The following EPHA3 variants were observed in gnomAD, a reference collection of about 807,000 sequenced individuals.
EPHA3 encodes ephrin type-A receptor 3.
Under a neutral mutation model 107.1 loss-of-function variants are expected in EPHA3, and 42 were observed. The observed-to-expected ratio is 0.39, with a 90% CI of 0.31 to 0.51. The LOEUF is 0.51. EPHA3 is among the 20% of genes least tolerant of loss of function. The probability of loss-of-function intolerance (pLI) is 0.78; values close to 1 mark genes in which losing one functional copy is unlikely to be tolerated. For missense variants in EPHA3, 1,183 were observed against 1,211.2 expected (o/e 0.98, Z 0.35); for synonymous variants, 461 against 424.8 (o/e 1.09, Z -1.05).
chr3:89,130,687 C>T (rs1409865640), intron 2 of EPHA3, among the ~76,000 whole-genome samples: 45 of 149,144 alleles, frequency 3.0e-4, no homozygotes, highest in Non-Finnish European at 5.8e-4. Flanking sequence ...CAGGCTGGAG[C>T]GCTGTGGCGC....
intron 10 of EPHA3, among the ~76,000 whole-genome samples, chr3:89,418,335 T>G (rs997516092): frequency 3.3e-5 from 5 of 151,448 alleles, no homozygotes; most frequent in African/African-American, 1.2e-4. Flanking sequence ...GCAATCATCA[T>G]GGCAGCATGG....
At chr3:89,162,528 C>T (rs1340519212) in intron 2 of EPHA3, among the ~76,000 whole-genome samples, 1 of 152,124 alleles carries the variant, frequency 6.6e-6, no homozygotes, top group African/African-American at 2.4e-5. Flanking sequence ...ACTTGTCCAA[C>T]CTCTCTCCTT....
chr3:89,327,230 T>A (rs2107391031), intron 3 of EPHA3, among the ~76,000 whole-genome samples: 1 of 152,228 alleles, frequency 6.6e-6, no homozygotes, highest in African/African-American at 2.4e-5. Flanking sequence ...CAAGATTGCC[T>A]TACAAGATAT....
At chr3:89,169,597 AG>A (rs1397280582) in intron 2 of EPHA3, among the ~76,000 whole-genome samples, 5 of 152,240 alleles carry the variant, frequency 3.3e-5, no homozygotes. Context: ...AAAATCACAC[AG>A]GTGACCATAC....
intron 15 of EPHA3, among the ~76,000 whole-genome samples, chr3:89,471,227 C>T (rs1376910577): frequency 6.6e-6 from 1 of 151,688 alleles, no homozygotes. Context: ...CTTCTTTTGC[C>T]TCTTCAGGGA....
intron 2 of EPHA3, among the ~76,000 whole-genome samples, chr3:89,140,828 T>C (rs1444728518): frequency 3.3e-5 from 5 of 151,726 alleles, no homozygotes; most frequent in Non-Finnish European, 7.4e-5. Context: ...CTGAAATTTG[T>C]TCACTCTGTT....
At chr3:89,435,245 C>T (rs978650348) in intron 13 of EPHA3, among the ~76,000 whole-genome samples, 14 of 151,548 alleles carry the variant, frequency 9.2e-5, no homozygotes, top group African/African-American at 3.4e-4. Context: ...ATAACTGATG[C>T]ATTAATCAAA....
At chr3:89,125,427 C>G (rs2106969962) in intron 1 of EPHA3, among the ~76,000 whole-genome samples, 1 of 151,694 alleles carries the variant, frequency 6.6e-6, no homozygotes, top group East Asian at 1.9e-4. Context: ...CAAAAATTTT[C>G]TAACAGTTAT....
At chr3:89,153,939 C>T (rs976764069) in intron 2 of EPHA3, among the ~76,000 whole-genome samples, 12 of 152,000 alleles carry the variant, frequency 7.9e-5, no homozygotes, top group African/African-American at 9.7e-5. Context: ...CTAGTGTCCA[C>T]GGTGTCTATG....
chr3:89,127,144 C>A, intron 1 of EPHA3, 65 bp from the exon 2 acceptor site: 1 of 1,285,324 alleles, frequency 7.8e-7, no homozygotes, highest in South Asian at 1.2e-5. Context: ...AATGTGAACT[C>A]AACAGAAGCA....
chr3:89,147,448 C>T (rs934703645), intron 2 of EPHA3, among the ~76,000 whole-genome samples: 3 of 151,848 alleles, frequency 2.0e-5, no homozygotes, highest in South Asian at 2.1e-4. Context: ...AATCTTCTAT[C>T]CATATAATTG....
At chr3:89,365,923 G>A (rs1449323411) in intron 5 of EPHA3, among the ~76,000 whole-genome samples, 2 of 150,662 alleles carry the variant, frequency 1.3e-5, no homozygotes, top group African/African-American at 2.4e-5. Flanking sequence ...TAGATGGTTT[G>A]GGATGGGATG....
chr3:89,335,227 T>C (rs1285569522), intron 3 of EPHA3, among the ~76,000 whole-genome samples: 4 of 152,160 alleles, frequency 2.6e-5, no homozygotes, highest in African/African-American at 9.7e-5. Flanking sequence ...GGGGCCAGCA[T>C]ATTCGGTGTC....
chr3:89,124,664 T>G (rs1301593771), intron 1 of EPHA3, among the ~76,000 whole-genome samples: 2 of 152,056 alleles, frequency 1.3e-5, no homozygotes, highest in Non-Finnish European at 2.9e-5. Flanking sequence ...GAAGGAAGTC[T>G]GTACAGCATG....
intron 3 of EPHA3, among the ~76,000 whole-genome samples, chr3:89,284,349 G>A (rs2107319177): frequency 6.6e-6 from 1 of 152,220 alleles, no homozygotes; most frequent in Admixed American, 6.5e-5. Flanking sequence ...TTCTGGTGAT[G>A]AGACTGCGGA....
At chr3:89,276,799 G>A (rs920492097) in intron 3 of EPHA3, among the ~76,000 whole-genome samples, 3 of 152,030 alleles carry the variant, frequency 2.0e-5, no homozygotes, top group Non-Finnish European at 2.9e-5. Context: ...AGCACTAAAA[G>A]ACACATAATG....
Position 89,479,962 on chromosome 3 carries a change from T to C in EPHA3, c.*460T>C. The C allele has an allele frequency of 4.2e-6, 1 of 236,048 alleles. No homozygotes were observed. The highest frequency in any genetic ancestry group is 5.5e-5 in the Admixed American group (1 of 18,184). 14.6% of individuals were successfully genotyped at this position (236,048 alleles called of 1,614,324 possible). ...AAAGCAAGCAACACAGAGGAATTTA[T>C]ACCTCAAACTATCTGGCCATATTTA... is the stretch of plus-strand genomic sequence containing the variant. On this transcript the variant is annotated 3_prime_UTR_variant, in exon 17 of 17. Coordinates refer to ENST00000336596, the MANE Select transcript of EPHA3 (RefSeq NM_005233.6).
At chr3:89,295,282 A>G (rs1192443617) in intron 3 of EPHA3, among the ~76,000 whole-genome samples, 3 of 152,136 alleles carry the variant, frequency 2.0e-5, no homozygotes, top group Non-Finnish European at 2.9e-5. Context: ...AATGCTGATG[A>G]TCATCTCAGC....
intron 4 of EPHA3, 63 bp from the exon 5 acceptor site, chr3:89,341,692 C>A: frequency 7.7e-7 from 1 of 1,295,354 alleles, no homozygotes; most frequent in Non-Finnish European, 1.1e-6. Flanking sequence ...TGTAAATTAT[C>A]TATTTCCCTT....
Sources: allele counts gnomAD v4.1 joint callset (sites outside exome capture counted in the v4.1 genomes callset), GRCh38; gene constraint gnomAD v4.1.1; transcripts MANE v1.5; gene names NCBI Gene and HGNC (gene_info 2026-07-23, HGNC 2026-07-21).